Variants in FHL2 observed in about 807,000 individuals in gnomAD.
FHL2 encodes the protein four and a half LIM domains 2.
Under a neutral mutation model 32.7 loss-of-function variants are expected in FHL2, and 20 were observed. The observed-to-expected ratio is 0.61, with a 90% CI of 0.43 to 0.89. FHL2 has a LOEUF of 0.89. Among genes scored for constraint, FHL2 ranks in the 40% least tolerant of loss-of-function variants. FHL2 has a pLI of 0.00. For synonymous variants in FHL2, 123 were observed against 128.1 expected (o/e 0.96, Z 0.27); for missense variants, 311 against 358.6 (o/e 0.87, Z 1.07).
chr2:105,371,827 T>A (rs1681098140), intron 4 of FHL2, among the ~76,000 whole-genome samples: 1 of 152,216 alleles, frequency 6.6e-6, no homozygotes. Flanking sequence ...GTCGTGGTTC[T>A]TATTGTTACT....
chr2:105,436,721 TA>T (rs1390600910), intron 1 of FHL2, among the ~76,000 whole-genome samples: 2 of 152,216 alleles, frequency 1.3e-5, no homozygotes, highest in African/African-American at 4.8e-5. Flanking sequence ...AATGAATAAA[TA>T]ATTAAGATAA....
intron 6 of FHL2, among the ~76,000 whole-genome samples, chr2:105,361,899 G>T (rs977830189): frequency 6.6e-6 from 1 of 152,156 alleles, no homozygotes. Flanking sequence ...GTGCGATGTG[G>T]GTGGGAATGA....
chr2:105,362,926 C>T (rs1449243042), intron 6 of FHL2: 1 of 206,826 alleles, frequency 4.8e-6, no homozygotes, highest in African/African-American at 2.3e-5. Context: ...TGCTAGGGGA[C>T]ACTTCTAAGA....
chr2:105,402,401 C>T (rs957773253), upstream of FHL2, among the ~76,000 whole-genome samples: 2 of 151,950 alleles, frequency 1.3e-5, no homozygotes, highest in Admixed American at 6.6e-5. Context: ...CATGTGCCAC[C>T]ATACCCGGCT....
intron 1 of FHL2, among the ~76,000 whole-genome samples, chr2:105,412,513 A>T (rs1683822627): frequency 6.6e-6 from 1 of 152,190 alleles, no homozygotes; most frequent in South Asian, 2.1e-4. Context: ...ATTCAGGGAG[A>T]AGGTTGGAGC....
At position 105,373,776 on chromosome 2, in the gene FHL2, A is replaced by G. The variant is rs748078240; in HGVS notation, c.157-43T>C. On this transcript the variant is annotated intron_variant, in intron 3 of 6. Transcript: ENST00000530340. ...ACAAGACAGTCAGAGGCAGGACAGG[A>G]GGGCTTGGACCCACAGCATAGGGGC... The G allele has an allele frequency of 6.8e-6, 11 of 1,608,278 alleles. No homozygotes were observed. The Admixed American group carries it at 8.3e-5, about 12-fold the overall frequency.
intron 1 of FHL2, among the ~76,000 whole-genome samples, chr2:105,436,605 A>G (rs901271824): frequency 6.6e-5 from 10 of 152,210 alleles, no homozygotes; most frequent in African/African-American, 2.4e-4. Context: ...AGTTTCCCAC[A>G]TAATTTAATG....
chr2:105,399,521 C>A (rs1683382604), upstream of FHL2: 2 of 1,536,128 alleles, frequency 1.3e-6, no homozygotes, highest in Non-Finnish European at 1.7e-6. Flanking sequence ...TGCTTCTTTA[C>A]GAAATGAACA....
At chr2:105,362,833 G>A in intron 6 of FHL2, among the ~76,000 whole-genome samples, 1 of 152,302 alleles carries the variant, frequency 6.6e-6, no homozygotes, top group Non-Finnish European at 1.5e-5. Context: ...TCCTTAGAAT[G>A]TACCCTCTGC....
intron 1 of FHL2, among the ~76,000 whole-genome samples, chr2:105,406,011 A>T (rs369821857): frequency 6.6e-6 from 1 of 152,172 alleles, no homozygotes; most frequent in East Asian, 1.9e-4. Flanking sequence ...CATGGTACAG[A>T]TTTGTGTGTG....
rs1376278570 is a variant in FHL2, at chr2:105,398,952, G to A, written c.-186C>T. The A allele has an allele frequency of 6.5e-7, 1 of 1,532,406 alleles. No homozygotes were observed. Among genetic ancestry groups the A allele is most frequent in the Non-Finnish European group, 8.7e-7 (1 of 1,143,404 alleles). 94.9% of individuals were successfully genotyped at this position (1,532,406 alleles called of 1,614,324 possible). On this transcript the variant is annotated 5_prime_UTR_variant, in exon 1 of 7. Transcript: ENST00000530340. ...CCCTCGGCCTCCCTCCGGGGCGCAGGGGGTTGGAGGTACTCACGGCACCGC... is the reference window on the plus strand; with the variant it reads ...CCCTCGGCCTCCCTCCGGGGCGCAGAGGGTTGGAGGTACTCACGGCACCGC...
At chr2:105,404,633 A>G (rs1683570730) in intron 1 of FHL2, among the ~76,000 whole-genome samples, 2 of 152,174 alleles carry the variant, frequency 1.3e-5, no homozygotes, top group African/African-American at 4.8e-5. Flanking sequence ...GAGGAACTTG[A>G]TCTGGTTACA....
chr2:105,435,202 C>G lies in FHL2; in HGVS notation c.-25+3197G>C, dbSNP rs541945047. On this transcript the variant is annotated intron_variant, in intron 1 of 5. Coordinates refer to the FHL2 transcript ENST00000393352. ...TTTTGATGGTTGCATATATTCCATA[C>G]TATGGCTAATCATATTTTATTTAAC... 2.0e-5 allele frequency among the ~76,000 whole-genome samples: 3 copies of G among 152,230 alleles called. No homozygotes were observed. In the South Asian group the frequency reaches 6.2e-4, roughly 32 times the overall value.
intron 6 of FHL2, chr2:105,363,020 G>T: frequency 4.7e-6 from 2 of 425,944 alleles, no homozygotes; most frequent in Non-Finnish European, 8.5e-6. Context: ...CAGTTTTAGC[G>T]ATAATCCAAC....
chr2:105,373,447 G>C lies in FHL2; in HGVS notation c.331+112C>G, dbSNP rs530329121. On this transcript the variant is annotated intron_variant, in intron 4 of 6. Coordinates refer to ENST00000530340, the MANE Select transcript of FHL2 (RefSeq NM_001318895.3). ...TCCTCTGCAGTTCAAGGTCAAACTG[G>C]AAAGTCAACACGAGTGTCTGGAACC... The C allele has an allele frequency of 1.8e-5, 21 of 1,158,522 alleles. No homozygotes were observed. In the South Asian group the frequency reaches 2.8e-4, roughly 15 times the overall value. 71.8% of individuals were successfully genotyped at this position (1,158,522 alleles called of 1,614,324 possible).
At chr2:105,422,460 A>C (rs1684132364) in intron 1 of FHL2, among the ~76,000 whole-genome samples, 1 of 152,094 alleles carries the variant, frequency 6.6e-6, no homozygotes, top group Non-Finnish European at 1.5e-5. Flanking sequence ...TATAAGAGAA[A>C]TATTTTTTTT....
intron 6 of FHL2, among the ~76,000 whole-genome samples, chr2:105,362,845 C>A (rs1573272148): frequency 6.6e-6 from 1 of 152,184 alleles, no homozygotes; most frequent in South Asian, 2.1e-4. Context: ...ACCCTCTGCC[C>A]TCATATAGCT....
At chr2:105,360,503 C>G (rs1445020405), downstream of FHL2, 1 of 152,296 alleles carries the variant, frequency 6.6e-6, no homozygotes, top group Non-Finnish European at 1.5e-5. Context: ...ACTACAGGCG[C>G]TCACCACCAC....
intron 2 of FHL2, among the ~76,000 whole-genome samples, chr2:105,387,726 A>AT (rs1682421927): frequency 6.6e-6 from 1 of 152,206 alleles, no homozygotes; most frequent in Non-Finnish European, 1.5e-5. Flanking sequence ...AAACAGAACT[A>AT]CCATTTGACC....
Sources: gnomAD v4.1 joint callset for allele counts (sites outside exome capture counted in the v4.1 genomes callset) on GRCh38, gnomAD v4.1.1 for gene constraint, MANE v1.5 for transcripts, NCBI Gene and HGNC (gene_info 2026-07-23, HGNC 2026-07-21) for gene names.